DTNBP1: variants seen among roughly 807,000 people sequenced by gnomAD.
The protein encoded by DTNBP1 is dysbindin.
DTNBP1 carries 35 observed loss-of-function variants against 42.8 expected under a neutral mutation model. The observed-to-expected ratio is 0.82, with a 90% CI of 0.63 to 1.09. DTNBP1 has a LOEUF of 1.09. Among genes scored for constraint, DTNBP1 ranks in the 50% least tolerant of loss-of-function variants. The probability of loss-of-function intolerance (pLI) is 0.00; values close to 1 mark genes in which losing one functional copy is unlikely to be tolerated. For missense variants in DTNBP1, 457 were observed against 424.2 expected, an observed-to-expected ratio of 1.08 and a Z score of -0.68; for synonymous variants, 171 against 162.2, an observed-to-expected ratio of 1.05 and a Z score of -0.41.
At chr6:15,582,867 T>C (rs1679699783) in intron 7 of DTNBP1, among the ~76,000 whole-genome samples, 1 of 152,250 alleles carries the variant, frequency 6.6e-6, no homozygotes, top group African/African-American at 2.4e-5. Flanking sequence ...TACAAAGGGA[T>C]ATTAAATAGT....
intron 1 of DTNBP1, among the ~76,000 whole-genome samples, chr6:15,657,013 ATT>A (rs968005114): frequency 2.0e-5 from 3 of 152,010 alleles, no homozygotes; most frequent in Non-Finnish European, 2.9e-5. Flanking sequence ...AGTGTTCATC[ATT>A]TTTTTTCTCT....
intron 6 of DTNBP1, among the ~76,000 whole-genome samples, chr6:15,605,227 G>T (rs1474389449): frequency 6.6e-6 from 1 of 152,146 alleles, no homozygotes; most frequent in African/African-American, 2.4e-5. Context: ...ACTAATTATT[G>T]TGAGAGAACT....
chr6:15,544,074 A>G (rs1268938158), intron 7 of DTNBP1, among the ~76,000 whole-genome samples: 2 of 152,182 alleles, frequency 1.3e-5, no homozygotes, highest in African/African-American at 4.8e-5. Context: ...TTTACTTCCA[A>G]CACCTCTTAT....
chr6:15,644,119 A>T (rs956866508), intron 3 of DTNBP1, among the ~76,000 whole-genome samples: 6 of 152,124 alleles, frequency 3.9e-5, no homozygotes, highest in African/African-American at 1.4e-4. Flanking sequence ...AAACCAAAAG[A>T]GAACAGAGGT....
intron 7 of DTNBP1, among the ~76,000 whole-genome samples, chr6:15,534,221 A>T (rs554827056): frequency 6.6e-6 from 1 of 152,348 alleles, no homozygotes; most frequent in Non-Finnish European, 1.5e-5. Context: ...TCAGTTTTAC[A>T]AGACGAAAGA....
intron 6 of DTNBP1, among the ~76,000 whole-genome samples, chr6:15,608,272 A>G (rs945285740): frequency 9.7e-6 from 1 of 103,050 alleles, no homozygotes; most frequent in Non-Finnish European, 2.6e-5. Context: ...TGCTTGGTTT[A>G]AAAAAAAACA....
chr6:15,657,681 CGA>C (rs1761362759), intron 1 of DTNBP1, among the ~76,000 whole-genome samples: 1 of 152,202 alleles, frequency 6.6e-6, no homozygotes, highest in African/African-American at 2.4e-5. Flanking sequence ...GCTACTAGAA[CGA>C]GAGTAAGGAT....
intron 8 of DTNBP1, among the ~76,000 whole-genome samples, chr6:15,526,948 G>C (rs1244985810): frequency 1.3e-5 from 2 of 152,176 alleles, no homozygotes; most frequent in South Asian, 2.1e-4. Flanking sequence ...TCAGTTAAGA[G>C]ATTATACAAC....
Position 15,523,033 on chromosome 6 carries a change from G to GC in DTNBP1, c.997dup (p.Ala333GlyfsTer6), listed in dbSNP as rs2127784180. On this transcript the variant is annotated frameshift_variant, in exon 10 of 10. Coordinates refer to ENST00000344537, the MANE Select transcript of DTNBP1 (RefSeq NM_032122.5). LOFTEE classifies it high-confidence loss of function. Reference sequence around the variant, plus strand: ...GGCCTCTCTGTCAGTGTGTGATGTGGCCAGGGCAGTGTCCACCTGAACTTC... The same window carrying GC: ...GGCCTCTCTGTCAGTGTGTGATGTGGCCCAGGGCAGTGTCCACCTGAACTTC... The GC allele has an allele frequency of 6.2e-7, 1 of 1,614,206 alleles. No homozygotes were observed. The highest frequency in any genetic ancestry group is 8.5e-7 in the Non-Finnish European group (1 of 1,180,048).
chr6:15,585,792 C>T (rs1255895575), intron 7 of DTNBP1: 17 of 1,526,048 alleles, frequency 1.1e-5, no homozygotes, highest in Non-Finnish European at 1.5e-5. Flanking sequence ...TGAACAGAAG[C>T]TCAGTGCTGG....
chr6:15,630,316 C>A (rs1408488132), intron 4 of DTNBP1, among the ~76,000 whole-genome samples: 2 of 152,076 alleles, frequency 1.3e-5, no homozygotes, highest in Non-Finnish European at 2.9e-5. Context: ...TGTTATCTGC[C>A]CAAGGTCAAC....
intron 8 of DTNBP1, among the ~76,000 whole-genome samples, chr6:15,528,642 C>T (rs781191150): frequency 5.9e-5 from 9 of 152,042 alleles, no homozygotes; most frequent in Non-Finnish European, 1.2e-4. Context: ...CAAGTGCCGG[C>T]GAAGATGTAA....
intron 7 of DTNBP1, among the ~76,000 whole-genome samples, chr6:15,534,659 CAAAAA>C (rs34234744): frequency 1.3e-4 from 13 of 99,248 alleles, no homozygotes; most frequent in East Asian, 3.0e-4. Flanking sequence ...GACTCTGTCT[CAAAAA>C]AAAAAAAAAA....
At chr6:15,637,321 G>A (rs1233509487) in intron 4 of DTNBP1, among the ~76,000 whole-genome samples, 1 of 152,012 alleles carries the variant, frequency 6.6e-6, no homozygotes, top group Non-Finnish European at 1.5e-5. Flanking sequence ...TTATTTGTTA[G>A]GCAAATTAAT....
intron 4 of DTNBP1, among the ~76,000 whole-genome samples, chr6:15,633,906 A>G (rs1398810160): frequency 6.6e-6 from 1 of 152,218 alleles, no homozygotes; most frequent in African/African-American, 2.4e-5. Context: ...AAGGTATTAC[A>G]TTGCTTTTTT....
chr6:15,566,643 G>T (rs1561963355), intron 7 of DTNBP1, among the ~76,000 whole-genome samples: 1 of 150,562 alleles, frequency 6.6e-6, no homozygotes, highest in East Asian at 1.9e-4. Flanking sequence ...GGCATATTTT[G>T]AAATGACCCT....
intron 6 of DTNBP1, among the ~76,000 whole-genome samples, chr6:15,606,309 CA>C (rs1480673026): frequency 6.6e-6 from 1 of 152,196 alleles, no homozygotes; most frequent in South Asian, 2.1e-4. Context: ...AAATGAATGA[CA>C]AAATATCATA....
At chr6:15,642,079 G>A (rs1044235926) in intron 3 of DTNBP1, among the ~76,000 whole-genome samples, 1 of 152,066 alleles carries the variant, frequency 6.6e-6, no homozygotes, top group African/African-American at 2.4e-5. Flanking sequence ...TCTACTGAAA[G>A]TGAGCCCTGC....
intron 7 of DTNBP1, among the ~76,000 whole-genome samples, chr6:15,548,946 A>G (rs1341264657): frequency 2.0e-5 from 3 of 152,200 alleles, no homozygotes; most frequent in South Asian, 2.1e-4. Flanking sequence ...TTAAAAATGT[A>G]TATTTTTCTA....
Sources: gnomAD v4.1 joint callset for allele counts (sites outside exome capture counted in the v4.1 genomes callset) on GRCh38, gnomAD v4.1.1 for gene constraint, MANE v1.5 for transcripts, NCBI Gene and HGNC (gene_info 2026-07-23, HGNC 2026-07-21) for gene names.